Variants in DLG2 observed in about 807,000 individuals in gnomAD.
DLG2 encodes disks large homolog 2.
Under a neutral mutation model 132.5 loss-of-function variants are expected in DLG2, and 45 were observed. The observed-to-expected ratio is 0.34, with a 90% CI of 0.27 to 0.44. DLG2 has a LOEUF of 0.44. Ranked by LOEUF, DLG2 falls within the 20% of genes least tolerant of loss-of-function variation. The probability of loss-of-function intolerance (pLI) is 1.00; values close to 1 mark genes in which losing one functional copy is unlikely to be tolerated. For missense variants in DLG2, 1,045 were observed against 1,196.9 expected, an observed-to-expected ratio of 0.87 and a Z score of 1.87; for synonymous variants, 424 against 419.6, an observed-to-expected ratio of 1.01 and a Z score of -0.13.
chr11:83,782,995 T>C (rs113848212), intron 18 of DLG2, among the ~76,000 whole-genome samples: 3 of 152,306 alleles, frequency 2.0e-5, no homozygotes, highest in African/African-American at 7.2e-5. Context: ...GCATAGTGCT[T>C]AAATGGAATT....
intron 9 of DLG2, among the ~76,000 whole-genome samples, chr11:84,112,751 A>G (rs1407003180): frequency 6.6e-6 from 1 of 152,170 alleles, no homozygotes; most frequent in Non-Finnish European, 1.5e-5. Context: ...TTGACTAGGC[A>G]AGAGGGATGG....
chr11:84,762,393 T>C (rs1190254359), intron 6 of DLG2, among the ~76,000 whole-genome samples: 1 of 152,202 alleles, frequency 6.6e-6, no homozygotes, highest in Non-Finnish European at 1.5e-5. Context: ...TCGGAATCTG[T>C]GTACAGTAGT....
intron 6 of DLG2, among the ~76,000 whole-genome samples, chr11:84,788,679 T>C (rs889125380): frequency 2.0e-5 from 3 of 152,182 alleles, no homozygotes; most frequent in African/African-American, 4.8e-5. Flanking sequence ...ATTATTTGAT[T>C]ACTTATCTCT....
At chr11:83,590,903 A>C (rs965630916) in intron 19 of DLG2, among the ~76,000 whole-genome samples, 5 of 151,050 alleles carry the variant, frequency 3.3e-5, no homozygotes, top group African/African-American at 7.3e-5. Context: ...GAAATGGATA[A>C]ATTCCTCGAC....
At chr11:84,836,101 C>T (rs1489310006) in intron 6 of DLG2, among the ~76,000 whole-genome samples, 1 of 151,722 alleles carries the variant, frequency 6.6e-6, no homozygotes, top group East Asian at 1.9e-4. Context: ...TGTCTTTAAG[C>T]TCAGCTCTCT....
intron 16 of DLG2, among the ~76,000 whole-genome samples, chr11:83,859,399 A>G (rs1009847209): frequency 6.6e-6 from 1 of 152,172 alleles, no homozygotes; most frequent in African/African-American, 2.4e-5. Context: ...GAAACGGGGA[A>G]CTTGTTGGGA....
intron 10 of DLG2, among the ~76,000 whole-genome samples, chr11:84,077,006 T>C (rs1430024280): frequency 2.0e-5 from 3 of 152,212 alleles, no homozygotes; most frequent in Non-Finnish European, 4.4e-5. Flanking sequence ...ATTCATGTCT[T>C]TTTAAAGATC....
chr11:84,248,240 C>G (rs1403004338), intron 8 of DLG2, among the ~76,000 whole-genome samples: 9 of 152,068 alleles, frequency 5.9e-5, no homozygotes, highest in Non-Finnish European at 1.3e-4. Context: ...ATAATGTATT[C>G]ATGTTTTTTC....
At chr11:84,350,135 G>A (rs534689253) in intron 7 of DLG2, among the ~76,000 whole-genome samples, 2 of 144,848 alleles carry the variant, frequency 1.4e-5, no homozygotes, top group Non-Finnish European at 1.5e-5. Flanking sequence ...CCGAGATTGC[G>A]CCAAGGCACT....
intron 6 of DLG2, among the ~76,000 whole-genome samples, chr11:85,058,723 G>A (rs2063715151): frequency 6.6e-6 from 1 of 151,402 alleles, no homozygotes; most frequent in Non-Finnish European, 1.5e-5. Flanking sequence ...TAGGCCCACT[G>A]ATATAAGGTT....
intron 8 of DLG2, among the ~76,000 whole-genome samples, chr11:84,211,479 C>T (rs1440826666): frequency 6.6e-6 from 1 of 152,104 alleles, no homozygotes; most frequent in Non-Finnish European, 1.5e-5. Flanking sequence ...TCCTGGGCTC[C>T]AGTGATCTGC....
chr11:84,741,004 C>T (rs1466365528), intron 6 of DLG2, among the ~76,000 whole-genome samples: 17 of 150,788 alleles, frequency 1.1e-4, no homozygotes, highest in Non-Finnish European at 1.5e-5. Flanking sequence ...TCCCCATGGA[C>T]TACGCATGGC....
At chr11:85,464,807 G>A (rs1301524783) in intron 3 of DLG2, among the ~76,000 whole-genome samples, 1 of 151,774 alleles carries the variant, frequency 6.6e-6, no homozygotes, top group Non-Finnish European at 1.5e-5. Context: ...AGGCGCGGTG[G>A]CTCACACCTG....
At chr11:84,798,131 T>C (rs577300156) in intron 6 of DLG2, among the ~76,000 whole-genome samples, 3 of 152,274 alleles carry the variant, frequency 2.0e-5, no homozygotes, top group East Asian at 3.9e-4. Flanking sequence ...CTGAAGAGAA[T>C]AGAGCACTGT....
intron 6 of DLG2, among the ~76,000 whole-genome samples, chr11:84,624,051 C>A (rs779625889): frequency 9.9e-5 from 15 of 152,140 alleles, no homozygotes; most frequent in Non-Finnish European, 1.6e-4. Context: ...TGAACCATAA[C>A]AGAAAATCTT....
intron 8 of DLG2, among the ~76,000 whole-genome samples, chr11:84,205,675 A>C (rs2096656335): frequency 6.6e-6 from 1 of 152,144 alleles, no homozygotes; most frequent in Non-Finnish European, 1.5e-5. Flanking sequence ...ATAGATAACA[A>C]ATTTTTTTGG....
chr11:84,878,703 GA>G (rs1039822697), intron 6 of DLG2, among the ~76,000 whole-genome samples: 2 of 151,702 alleles, frequency 1.3e-5, no homozygotes, highest in Admixed American at 6.6e-5. Flanking sequence ...TTAAAGTATA[GA>G]AAAAAAATCC....
chr11:84,432,538 C>A lies in DLG2; in HGVS notation c.519+102032G>T, dbSNP rs190018929. 6.6e-3 allele frequency among the ~76,000 whole-genome samples: 999 copies of A among 152,078 alleles called. 7 individuals are homozygous for A. The highest frequency in any genetic ancestry group is 0.023 in the African/African-American group (947 of 41,450). On this transcript the variant is annotated intron_variant, in intron 7 of 27. Transcript: ENST00000376104. The stretch of plus-strand genomic sequence containing the variant: ...AGCAAAGAGCAAGGCTAATTTAATC[C>A]CCTCCCTCTAAATCCTTGCCTGAAA...
chr11:85,290,177 A>G (rs1233501626), intron 3 of DLG2, among the ~76,000 whole-genome samples: 2 of 152,276 alleles, frequency 1.3e-5, no homozygotes, highest in South Asian at 2.1e-4. Flanking sequence ...AGGACTGCTA[A>G]ACCCTGCATA....
Sources: gnomAD v4.1 joint callset for allele counts (sites outside exome capture counted in the v4.1 genomes callset) on GRCh38, gnomAD v4.1.1 for gene constraint, MANE v1.5 for transcripts, NCBI Gene and HGNC (gene_info 2026-07-23, HGNC 2026-07-21) for gene names.